Variants in RAMP3 observed in about 807,000 individuals in gnomAD.
The protein encoded by RAMP3 is receptor activity modifying protein 3, also known as receptor activity-modifying protein 3.
A neutral mutation model predicts 13.5 loss-of-function variants in RAMP3; 14 were observed. The observed-to-expected ratio is 1.04, with a 90% CI of 0.69 to 1.63. RAMP3 has a LOEUF of 1.63. Among genes scored for constraint, RAMP3 ranks in the 40% most tolerant of loss-of-function variants. The pLI, the probability that RAMP3 is intolerant of heterozygous loss-of-function variation, is 0.00. For synonymous variants in RAMP3, 106 were observed against 88.3 expected, an observed-to-expected ratio of 1.20 and a Z score of -1.12; for missense variants, 200 against 204.8, an observed-to-expected ratio of 0.98 and a Z score of 0.14.
chr7:45,157,908 C>A, intron 1 of RAMP3, 22 bp downstream of exon 1: 1 of 1,347,164 alleles, frequency 7.4e-7, no homozygotes, highest in Non-Finnish European at 9.5e-7. Context: ...ACGGCCCGCA[C>A]CGGGGGCGCC....
chr7:45,171,426 G>T (rs1584071264), intron 1 of RAMP3, among the ~76,000 whole-genome samples: 2 of 152,246 alleles, frequency 1.3e-5, no homozygotes, highest in Middle Eastern at 6.8e-3. Context: ...AAAGTTCTGG[G>T]ATTACAGGCG....
At position 45,177,418 on chromosome 7, in the gene RAMP3, G is replaced by A. The variant is rs777437775; in HGVS notation, c.168G>A (p.Trp56Ter). 3.1e-6 allele frequency: 5 copies of A among 1,613,958 alleles called. No individual in the cohort carries two copies. The highest frequency in any genetic ancestry group is 2.2e-5 in the South Asian group (2 of 91,082). ...DMMGKVDVWK[W>*]CNLSEFIVYY... is the part of the protein sequence containing the mutation. ...TGGGCAAGGTGGACGTCTGGAAGTG[G>A]TGCAACCTGTCCGAGTTCATCGTGT... Residue 56 changes from tryptophan to a stop codon, truncating the protein, a stop_gained, in exon 2 of 3, where the codon TGG becomes TGA. Transcript: ENST00000242249. LOFTEE classifies it high-confidence loss of function.
intron 1 of RAMP3, 42 bp downstream of exon 1, chr7:45,157,928 C>T: frequency 7.5e-7 from 1 of 1,329,178 alleles, no homozygotes; most frequent in Non-Finnish European, 9.6e-7. Flanking sequence ...CCCCACTCCT[C>T]GGGGTTCACC....
At chr7:45,169,220 C>T (rs11762914) in intron 1 of RAMP3, among the ~76,000 whole-genome samples, 39,755 of 151,838 alleles carry the variant, frequency 0.26, 6,274 homozygotes, top group African/African-American at 0.44. Flanking sequence ...CAATATTGGC[C>T]TATAGATTTC....
chr7:45,182,273 G>A lies in RAMP3; in HGVS notation c.192-884G>A, dbSNP rs191630425. Reference sequence around the variant, plus strand: ...GAAGTGCTAGCCCTGCACAGAGGGGGTGGCATCTGGGCAGGAGTCCATCTA... The same window carrying A: ...GAAGTGCTAGCCCTGCACAGAGGGGATGGCATCTGGGCAGGAGTCCATCTA... On this transcript the variant is annotated intron_variant, in intron 2 of 2. Coordinates refer to ENST00000242249, the MANE Select transcript of RAMP3 (RefSeq NM_005856.3). Among the ~76,000 whole-genome samples the A allele has an allele frequency of 2.4e-3, 360 of 152,316 alleles. 1 individual carries two copies. Among genetic ancestry groups the A allele is most frequent in the African/African-American group, 8.4e-3 (349 of 41,560 alleles).
intron 1 of RAMP3, among the ~76,000 whole-genome samples, chr7:45,169,115 A>G (rs1474510022): frequency 6.6e-6 from 1 of 152,204 alleles, no homozygotes; most frequent in African/African-American, 2.4e-5. Context: ...TGCATTCCTG[A>G]GATAAAACCT....
At chr7:45,165,102 C>A (rs1307638457) in intron 1 of RAMP3, among the ~76,000 whole-genome samples, 1 of 152,134 alleles carries the variant, frequency 6.6e-6, no homozygotes, top group Non-Finnish European at 1.5e-5. Flanking sequence ...CCTCCTCCAT[C>A]CTTGCTAATT....
At chr7:45,182,016 C>T (rs141315607) in intron 2 of RAMP3, among the ~76,000 whole-genome samples, 2 of 152,154 alleles carry the variant, frequency 1.3e-5, no homozygotes, top group African/African-American at 4.8e-5. Context: ...ACCAGGAGAA[C>T]CCTGGGTGGA....
intron 2 of RAMP3, among the ~76,000 whole-genome samples, 175 bp downstream of exon 2, chr7:45,177,616 G>A (rs1003277460): frequency 6.6e-6 from 1 of 151,986 alleles, no homozygotes; most frequent in African/African-American, 2.4e-5. Flanking sequence ...TTTGCCCAGG[G>A]CCCCAACCAC....
At chr7:45,157,966 C>A in intron 1 of RAMP3, 80 bp downstream of exon 1, 1 of 1,242,526 alleles carries the variant, frequency 8.0e-7, no homozygotes, top group Non-Finnish European at 1.0e-6. Flanking sequence ...CGCCTTCCCG[C>A]ACCTGCGCCG....
intron 1 of RAMP3, among the ~76,000 whole-genome samples, chr7:45,172,510 T>C (rs7778245): frequency 0.26 from 39,962 of 152,060 alleles, 6,379 homozygotes; most frequent in African/African-American, 0.44. Flanking sequence ...GAGTCTCACT[T>C]TGTCACCCAG....
At chr7:45,170,291 G>A (rs531176734) in intron 1 of RAMP3, among the ~76,000 whole-genome samples, 67 of 151,364 alleles carry the variant, frequency 4.4e-4, no homozygotes, top group African/African-American at 1.6e-3. Flanking sequence ...GCCTTAGGGT[G>A]GAAGGCTGGG....
rs1786198212 is a variant in RAMP3 at position 45,176,896 on chromosome 7, AGTGG to A, written c.59-411_59-408del. Among the ~76,000 whole-genome samples, 4 of 152,292 alleles carry A rather than the reference AGTGG, an allele frequency of 2.6e-5. No individual in the cohort carries two copies. In the South Asian group the frequency reaches 8.3e-4, roughly 32 times the overall value. ...GCCCTCCTCTGCCGCCCCTGCAGGCAGTGGGATGGTCCCCAGGTCTTAGAGTCCT... is the reference window on the plus strand; with the variant it reads ...GCCCTCCTCTGCCGCCCCTGCAGGCAGATGGTCCCCAGGTCTTAGAGTCCT... On this transcript the variant is annotated intron_variant, in intron 1 of 2. Transcript: ENST00000242249.
At position 45,157,943 on chromosome 7, in the gene RAMP3, C is replaced by G. The variant is rs1480141451; in HGVS notation, c.58+57C>G. Reference sequence around the variant, plus strand: ...CCCCACTCCTCGGGGTTCACCGGACCCGGGTGGACCCGCGCCTTCCCGCAC... The same window carrying G: ...CCCCACTCCTCGGGGTTCACCGGACGCGGGTGGACCCGCGCCTTCCCGCAC... On this transcript the variant is annotated intron_variant, in intron 1 of 2. Transcript: ENST00000242249. 4 of 1,298,502 alleles carry G rather than the reference C, an allele frequency of 3.1e-6. No individual in the cohort carries two copies. The East Asian group carries it at 1.3e-4, about 41-fold the overall frequency. 80.4% of individuals were successfully genotyped at this position (1,298,502 alleles called of 1,614,324 possible).
At chr7:45,178,955 C>T (rs1482035328) in intron 2 of RAMP3, among the ~76,000 whole-genome samples, 5 of 152,098 alleles carry the variant, frequency 3.3e-5, no homozygotes, top group African/African-American at 4.8e-5. Flanking sequence ...GTTGACATTG[C>T]GGAGCCCTCC....
chr7:45,183,820 A>C lies in RAMP3; in HGVS notation c.*408A>C, dbSNP rs1584081596. ...TGCTTGGACTAGGACTCCTTGCTTG[A>C]CCCCATCTCTGGTTCCTGCCCTGGC... On this transcript the variant is annotated 3_prime_UTR_variant, in exon 3 of 3. Coordinates refer to ENST00000242249, the MANE Select transcript of RAMP3 (RefSeq NM_005856.3). 8.9e-6 allele frequency: 4 copies of C among 447,698 alleles called. No homozygotes were observed. The highest frequency in any genetic ancestry group is 1.2e-5 in the Non-Finnish European group (3 of 255,064). The allele number at this position is 447,698 out of a possible 1,614,324, so 27.7% of individuals were successfully genotyped here.
Position 45,157,886 on chromosome 7 carries a change from G to C in RAMP3, c.58G>C (p.Gly20Arg), listed in dbSNP as rs182989598. The C allele has an allele frequency of 4.3e-6, 6 of 1,380,786 alleles. No individual in the cohort carries two copies. Among genetic ancestry groups the C allele is most frequent in the Non-Finnish European group, 1.9e-6 (2 of 1,074,840 alleles). The allele number at this position is 1,380,786 out of a possible 1,614,324, so 85.5% of individuals were successfully genotyped here. A position where few individuals can be genotyped will look rare whatever the true frequency, so the allele number is the denominator to read the frequency against. Residue 20 changes from glycine to arginine, a missense_variant and splice_region_variant, in exon 1 of 3, where the codon GGT becomes CGT. Gly to Arg is a moderately radical substitution (Grantham distance 125, BLOSUM62 -2). Transcript: ENST00000242249. ...QLLPLLLLLC[G>R]GCPRAGGCNE... is the part of the protein sequence containing the mutation. The stretch of plus-strand genomic sequence containing the variant: ...TCTCCCGTTGCTGCTGCTGCTCTGC[G>C]GTAAGGGGGCGACGGCCCGCACCGG...
At position 45,180,021 on chromosome 7, in the gene RAMP3, C is replaced by T. The variant is rs926080222; in HGVS notation, c.191+2580C>T. ...ATTTCTCAGCTAGTGTGCTATTTCC[C>T]GCCAATTTGTCCACTAATTAGGGAG... On this transcript the variant is annotated intron_variant, in intron 2 of 2. Coordinates refer to ENST00000242249, the MANE Select transcript of RAMP3 (RefSeq NM_005856.3). Among the ~76,000 whole-genome samples, 17 of 152,342 alleles carry T rather than the reference C, an allele frequency of 1.1e-4. No homozygotes were observed. In the East Asian group the frequency reaches 1.5e-3, roughly 14 times the overall value.
At chr7:45,159,414 G>A (rs1785822785) in intron 1 of RAMP3, among the ~76,000 whole-genome samples, 1 of 152,242 alleles carries the variant, frequency 6.6e-6, no homozygotes, top group Admixed American at 6.5e-5. Context: ...GGTTCCTCTT[G>A]ACTGAGGACT....
Sources: allele counts gnomAD v4.1 joint callset (sites outside exome capture counted in the v4.1 genomes callset), GRCh38; gene constraint gnomAD v4.1.1; transcripts MANE v1.5; gene names NCBI Gene and HGNC (gene_info 2026-07-23, HGNC 2026-07-21).